Variants in USP48 observed in about 807,000 individuals in gnomAD.
USP48 encodes the protein ubiquitin specific peptidase 48.
Under a neutral mutation model 150.7 loss-of-function variants are expected in USP48, and 43 were observed. The observed-to-expected ratio is 0.29, with a 90% CI of 0.22 to 0.37. The LOEUF is 0.37. Ranked by LOEUF, USP48 falls within the 10% of genes least tolerant of loss-of-function variation. The pLI is 1.00. For synonymous variants in USP48, 396 were observed against 425.9 expected, an observed-to-expected ratio of 0.93 and a Z score of 0.86; for missense variants, 813 against 1,249.6, an observed-to-expected ratio of 0.65 and a Z score of 5.27.
intron 1 of USP48, among the ~76,000 whole-genome samples, chr1:21,765,264 G>A (rs1003266148): frequency 2.6e-5 from 4 of 152,148 alleles, no homozygotes; most frequent in African/African-American, 4.8e-5. Context: ...TGGTTATGAC[G>A]TACTAAGCAG....
chr1:21,717,040 T>C (rs1379758751), intron 14 of USP48, among the ~76,000 whole-genome samples: 1 of 150,176 alleles, frequency 6.7e-6, no homozygotes, highest in Non-Finnish European at 1.5e-5. Flanking sequence ...TATCCATGGG[T>C]TTTCCAGGTT....
At chr1:21,700,920 C>T (rs1037928458) in intron 22 of USP48, among the ~76,000 whole-genome samples, 1 of 151,870 alleles carries the variant, frequency 6.6e-6, no homozygotes, top group South Asian at 2.1e-4. Flanking sequence ...AAAAAATTAG[C>T]CAGGAGTGGT....
chr1:21,681,596 C>A (rs910816293), intron 25 of USP48, among the ~76,000 whole-genome samples: 1 of 152,108 alleles, frequency 6.6e-6, no homozygotes, highest in Non-Finnish European at 1.5e-5. Context: ...CTAATAAATT[C>A]TTCAGTGAAG....
At chr1:21,685,053 G>A (rs1374550429) in intron 25 of USP48, among the ~76,000 whole-genome samples, 2 of 152,052 alleles carry the variant, frequency 1.3e-5, no homozygotes, top group East Asian at 3.8e-4. Flanking sequence ...TTTTAGGATT[G>A]TGTTTTTCTA....
Position 21,773,449 on chromosome 1 carries a change from C to A in USP48, c.134+9375G>T, listed in dbSNP as rs1021381053. On this transcript the variant is annotated intron_variant, in intron 1 of 26. Transcript: ENST00000308271. ...AGGCCAAGGCTGAGGATTTCTTGGG[C>A]CCAGGAGTTCAAGACCGGCCTGGGC... 2.7e-5 allele frequency among the ~76,000 whole-genome samples: 4 copies of A among 150,352 alleles called. No homozygotes were observed. In the East Asian group the frequency reaches 8.0e-4, roughly 30 times the overall value.
At chr1:21,734,405 AT>A (rs1345903966) in intron 9 of USP48, among the ~76,000 whole-genome samples, 2 of 152,202 alleles carry the variant, frequency 1.3e-5, no homozygotes, top group African/African-American at 4.8e-5. Context: ...TCTCAAAAAA[AT>A]ATATAAATAA....
In USP48 at chr1:21,748,105, G is replaced by A. The variant is rs561018619; in HGVS notation, c.908+33C>T. 2.8e-5 allele frequency: 45 copies of A among 1,600,604 alleles called. 2 individuals carry two copies. The South Asian group carries it at 5.1e-4, about 18-fold the overall frequency. On this transcript the variant is annotated intron_variant, in intron 7 of 26. Coordinates refer to ENST00000308271, the MANE Select transcript of USP48 (RefSeq NM_032236.8). ...AAGTCTGTACATAGTAGACCACAATGAACAACAAACACTAATATTTGCACA... is the reference window on the plus strand; with the variant it reads ...AAGTCTGTACATAGTAGACCACAATAAACAACAAACACTAATATTTGCACA...
chr1:21,774,853 T>C (rs2152649979), intron 1 of USP48, among the ~76,000 whole-genome samples: 1 of 151,818 alleles, frequency 6.6e-6, no homozygotes, highest in South Asian at 2.1e-4. Context: ...TAGCCAAGCA[T>C]GGTGGCCCAT....
chr1:21,730,279 C>T (rs2097753523), intron 9 of USP48, among the ~76,000 whole-genome samples: 1 of 151,910 alleles, frequency 6.6e-6, no homozygotes, highest in Admixed American at 6.6e-5. Flanking sequence ...CCTGTCTCTA[C>T]TAATAATACA....
At chr1:21,711,441 C>A (rs1462864377) in intron 15 of USP48, among the ~76,000 whole-genome samples, 1 of 152,122 alleles carries the variant, frequency 6.6e-6, no homozygotes, top group African/African-American at 2.4e-5. Context: ...ACAACAAAAC[C>A]TAAGGCCCCT....
At chr1:21,732,232 T>C (rs111698025) in intron 9 of USP48, among the ~76,000 whole-genome samples, 10 of 151,846 alleles carry the variant, frequency 6.6e-5, no homozygotes, top group African/African-American at 2.4e-4. Flanking sequence ...TGGGCCAAGA[T>C]AGCACCACTG....
chr1:21,730,819 G>A (rs936101755), intron 9 of USP48, among the ~76,000 whole-genome samples: 4 of 149,682 alleles, frequency 2.7e-5, no homozygotes, highest in Non-Finnish European at 4.4e-5. Flanking sequence ...AGAGTGCAGT[G>A]GCGCGATCTT....
At chr1:21,747,273 A>G (rs566375798) in intron 7 of USP48, 124 bp from the exon 8 acceptor site, 2 of 589,642 alleles carry the variant, frequency 3.4e-6, no homozygotes, top group East Asian at 3.1e-5. Context: ...TTCCTCCAAA[A>G]CATGTACAAT....
At chr1:21,772,650 G>T (rs1284192283) in intron 1 of USP48, among the ~76,000 whole-genome samples, 1 of 151,348 alleles carries the variant, frequency 6.6e-6, no homozygotes, top group East Asian at 1.9e-4. Context: ...GGCCAGGCGT[G>T]GTGGCTCGCG....
rs376541660 is a variant in USP48, at chr1:21,730,902, A to G, written c.1172-1070T>C. ...CAGCCTCTCAAGTAGCTGGGATTAC[A>G]GGCACGTGTCACCACACCCAGCTAA... is the stretch of plus-strand genomic sequence containing the variant. On this transcript the variant is annotated intron_variant, in intron 9 of 26. Transcript: ENST00000308271. Among the ~76,000 whole-genome samples, 334 of 151,806 alleles carry G rather than the reference A, an allele frequency of 2.2e-3. 2 individuals are homozygous for G. Among genetic ancestry groups the G allele is most frequent in the African/African-American group, 6.9e-3 (287 of 41,426 alleles).
chr1:21,765,686 G>A (rs1433412428), intron 1 of USP48, among the ~76,000 whole-genome samples: 2 of 151,750 alleles, frequency 1.3e-5, no homozygotes, highest in Admixed American at 1.3e-4. Flanking sequence ...CAAGGTGTGA[G>A]ACATAACTAA....
rs2097836289 is a variant in USP48 at position 21,756,588 on chromosome 1, A to G, written c.370T>C (p.Cys124Arg). The change falls in exon 3 of 27, where the codon TGT (cysteine) becomes CGT (arginine). Residue 124 changes from cysteine to arginine, a missense_variant. Cys to Arg is a radical substitution (Grantham distance 180). Transcript: ENST00000308271. ...CCGTCTCCCAGCATGTAGTCACTAC[A>G]AGTGCTTGGACATAAGTAGAGTGCC... ...RQALYLCPST[C>R]SDYMLGDGIQ... The G allele has an allele frequency of 1.9e-6, 3 of 1,604,874 alleles. No homozygotes were observed. The highest frequency in any genetic ancestry group is 2.5e-6 in the Non-Finnish European group (3 of 1,177,448).
intron 11 of USP48, among the ~76,000 whole-genome samples, chr1:21,726,743 C>T (rs1003551855): frequency 6.6e-6 from 1 of 152,150 alleles, no homozygotes; most frequent in African/African-American, 2.4e-5. Context: ...TCTAAGTAGG[C>T]CCCTCAAATA....
At position 21,783,132 on chromosome 1, in the gene USP48, A is replaced by C; in HGVS notation, c.-175T>G. On this transcript the variant is annotated 5_prime_UTR_variant, in exon 1 of 27. Coordinates refer to ENST00000308271, the MANE Select transcript of USP48 (RefSeq NM_032236.8). ...CTGCCGCCGCGCCCGCCCGCGCCCG[A>C]CCCGCACGACCGGCCGCAAAGCGCC... 4.0e-6 allele frequency: 4 copies of C among 989,170 alleles called. No homozygotes were observed. Among genetic ancestry groups the C allele is most frequent in the South Asian group, 2.6e-5 (1 of 37,762 alleles). The allele number at this position is 989,170 out of a possible 1,614,324, so 61.3% of individuals were successfully genotyped here. A position where few individuals can be genotyped will look rare whatever the true frequency, so the allele number is the denominator to read the frequency against.
Sources: allele counts gnomAD v4.1 joint callset (sites outside exome capture counted in the v4.1 genomes callset), GRCh38; gene constraint gnomAD v4.1.1; transcripts MANE v1.5; gene names NCBI Gene and HGNC (gene_info 2026-07-23, HGNC 2026-07-21).